Variants in RBFOX1 observed in about 807,000 individuals in gnomAD.
The protein encoded by RBFOX1 is RNA binding fox-1 homolog 1.
RBFOX1 carries 8 observed loss-of-function variants against 57.7 expected under a neutral mutation model. The observed-to-expected ratio is 0.14, with a 90% CI of 0.08 to 0.25. RBFOX1 has a LOEUF of 0.25. Among genes scored for constraint, RBFOX1 ranks in the 10% least tolerant of loss-of-function variants. The pLI, the probability that RBFOX1 is intolerant of heterozygous loss-of-function variation, is 1.00. For missense variants in RBFOX1, 611 were observed against 548.5 expected, an observed-to-expected ratio of 1.11 and a Z score of -1.14; for synonymous variants, 326 against 222.4, an observed-to-expected ratio of 1.47 and a Z score of -4.15.
At position 6,721,310 on chromosome 16, in the gene RBFOX1, GC is replaced by G. The variant is rs370750805; in HGVS notation, c.-16+66661del. On this transcript the variant is annotated intron_variant, in intron 3 of 15. Transcript: ENST00000550418. ...CTACAAAAATTAGCTGGGCATGGTGGCGGGTGCCTGTAATCCCAACTACTTG... is the reference window on the plus strand; with the variant it reads ...CTACAAAAATTAGCTGGGCATGGTGGGGGTGCCTGTAATCCCAACTACTTG... Among the ~76,000 whole-genome samples, 39 of 152,254 alleles carry G rather than the reference GC, an allele frequency of 2.6e-4. 1 individual carries two copies. The East Asian group carries it at 5.4e-3, about 21-fold the overall frequency.
intron 4 of RBFOX1, among the ~76,000 whole-genome samples, chr16:5,984,445 A>G: frequency 6.6e-6 from 1 of 151,760 alleles, no homozygotes; most frequent in Non-Finnish European, 1.5e-5. Context: ...AATTTACCAA[A>G]TTATTATCCA....
intron 2 of RBFOX1, among the ~76,000 whole-genome samples, chr16:6,633,219 A>G (rs534883692): frequency 6.6e-6 from 1 of 152,262 alleles, no homozygotes; most frequent in South Asian, 2.1e-4. Context: ...TCAGTGGCTT[A>G]TAGACCAAGA....
intron 1 of RBFOX1, among the ~76,000 whole-genome samples, chr16:5,288,204 A>G (rs1324445318): frequency 1.3e-5 from 2 of 149,616 alleles, no homozygotes; most frequent in Non-Finnish European, 3.0e-5. Context: ...TCAGTTGTAG[A>G]TTTGAATTTT....
rs1030899079 is a variant in RBFOX1 at position 5,947,565 on chromosome 16, C to T, written c.351+80230C>T. 3.3e-5 allele frequency among the ~76,000 whole-genome samples: 5 copies of T among 152,304 alleles called. No individual in the cohort carries two copies. Among genetic ancestry groups the T allele is most frequent in the African/African-American group, 9.6e-5 (4 of 41,562 alleles). ...GTCAGACTCCTAGCCCCAAGCAATT[C>T]TCACATATCAGCCTCCCAAAGTGCT... On this transcript the variant is annotated intron_variant, in intron 4 of 19. Transcript: ENST00000641259. The surrounding 1 kb of genome is among the most constrained non-coding windows in gnomAD (Gnocchi z 7.2).
intron 1 of RBFOX1, among the ~76,000 whole-genome samples, chr16:6,283,588 G>A (rs1213832849): frequency 6.6e-6 from 1 of 152,048 alleles, no homozygotes; most frequent in Non-Finnish European, 1.5e-5. Context: ...CCAGAACTCA[G>A]GTGAGTGAAA....
intron 4 of RBFOX1, among the ~76,000 whole-genome samples, chr16:7,164,306 T>A (rs2078990170): frequency 2.0e-5 from 3 of 152,202 alleles, no homozygotes; most frequent in Admixed American, 1.3e-4. Flanking sequence ...TGTTCCTTTT[T>A]ATGGCTGAAT....
At chr16:6,842,520 C>T (rs1307355849) in intron 3 of RBFOX1, among the ~76,000 whole-genome samples, 1 of 151,986 alleles carries the variant, frequency 6.6e-6, no homozygotes, top group Non-Finnish European at 1.5e-5. Context: ...TTTATCCTGC[C>T]CTTTTCAGCT....
chr16:7,153,144 C>T (rs1216256756), intron 4 of RBFOX1, among the ~76,000 whole-genome samples: 3 of 151,994 alleles, frequency 2.0e-5, no homozygotes, highest in South Asian at 2.1e-4. Context: ...AGCTGAATAT[C>T]CTCCTTTCCT....
rs537071191 is a variant in RBFOX1, at chr16:7,192,629, A to G, written c.27+140531A>G. Among the ~76,000 whole-genome samples, 179 of 152,274 alleles carry G rather than the reference A, an allele frequency of 1.2e-3. 9 individuals carry two copies. The South Asian group carries it at 0.036, about 30-fold the overall frequency. ...GGGGCCAAATGGAAAAACTAATGCA[A>G]TAGACAGTTTAGATCATAGTATTGT... On this transcript the variant is annotated intron_variant, in intron 4 of 15. Coordinates refer to ENST00000550418, the MANE Select transcript of RBFOX1 (RefSeq NM_018723.4).
chr16:5,610,753 A>C (rs2047752095), intron 3 of RBFOX1: 1 of 152,228 alleles, frequency 6.6e-6, no homozygotes, highest in African/African-American at 2.4e-5. Context: ...CTTCAGTCCC[A>C]GCCACTCCAG....
At chr16:6,561,536 A>G (rs1251495451) in intron 2 of RBFOX1, among the ~76,000 whole-genome samples, 1 of 152,238 alleles carries the variant, frequency 6.6e-6, no homozygotes, top group African/African-American at 2.4e-5. Context: ...ATATGAACAC[A>G]GTATAAAGGA....
chr16:6,126,481 G>C (rs975724177), intron 1 of RBFOX1, among the ~76,000 whole-genome samples: 18 of 152,054 alleles, frequency 1.2e-4, no homozygotes, highest in African/African-American at 3.6e-4. Flanking sequence ...TTAGAAGAAG[G>C]AATCAGACAA....
intron 4 of RBFOX1, among the ~76,000 whole-genome samples, chr16:5,890,476 A>G (rs919794574): frequency 1.3e-5 from 2 of 152,242 alleles, no homozygotes; most frequent in South Asian, 4.1e-4. Context: ...AGGCGGGCAG[A>G]TCACGAGGTC....
intron 1 of RBFOX1, among the ~76,000 whole-genome samples, chr16:6,218,103 T>C (rs8056768): frequency 0.96 from 146,532 of 152,182 alleles, 70,752 homozygotes; most frequent in East Asian, 1. Flanking sequence ...TCCTTCCCTT[T>C]GGTGCTGTTA....
At chr16:7,328,007 C>A (rs181387918) in intron 4 of RBFOX1, among the ~76,000 whole-genome samples, 95 of 152,232 alleles carry the variant, frequency 6.2e-4, no homozygotes, top group Admixed American at 2.7e-3. Context: ...TCTTCCTTCT[C>A]TTTCATTGAC....
chr16:7,368,766 C>G (rs914371258), intron 4 of RBFOX1, among the ~76,000 whole-genome samples: 2 of 123,806 alleles, frequency 1.6e-5, no homozygotes, highest in African/African-American at 6.3e-5. Context: ...GGTGACAGAG[C>G]GAGACTCTGT....
At position 7,509,936 on chromosome 16, in the gene RBFOX1, TA is replaced by T. The variant is rs547450275; in HGVS notation, c.28-8208del. Among the ~76,000 whole-genome samples the T allele has an allele frequency of 8.0e-4, 120 of 150,700 alleles. 2 individuals are homozygous for T. The highest frequency in any genetic ancestry group is 2.5e-3 in the Admixed American group (38 of 15,130). On this transcript the variant is annotated intron_variant, in intron 4 of 15. Transcript: ENST00000550418. ...ATAGAATCGCATTTCTAATGTTTTT[TA>T]AACAGCTATTAATGTGGTCGAGCAG... is the stretch of plus-strand genomic sequence containing the variant.
intron 2 of RBFOX1, among the ~76,000 whole-genome samples, chr16:5,528,172 G>C (rs548075053): frequency 5.3e-5 from 8 of 152,226 alleles, no homozygotes; most frequent in African/African-American, 1.9e-4. Context: ...GGGTCCTAAG[G>C]TTCTGCTCGA....
chr16:5,978,494 G>A (rs776804115), intron 4 of RBFOX1, among the ~76,000 whole-genome samples: 10 of 152,022 alleles, frequency 6.6e-5, no homozygotes, highest in African/African-American at 1.7e-4. Flanking sequence ...AGCGACCAGC[G>A]TTGCTATATT....
Sources: gnomAD v4.1 joint callset for allele counts (sites outside exome capture counted in the v4.1 genomes callset) on GRCh38, gnomAD v4.1.1 for gene constraint, Gnocchi (gnomAD v3.1) non-coding constraint, MANE v1.5 for transcripts, NCBI Gene and HGNC (gene_info 2026-07-23, HGNC 2026-07-21) for gene names.